The following PRR5 variants were observed in gnomAD, a reference collection of about 807,000 sequenced individuals.
PRR5 encodes the protein proline rich 5, also known as proline-rich protein 5.
A neutral mutation model predicts 30.6 loss-of-function variants in PRR5; 25 were observed. The observed-to-expected ratio is 0.82, with a 90% CI of 0.60 to 1.14. The LOEUF is 1.14. Ranked by LOEUF, PRR5 falls within the 50% of genes most tolerant of loss-of-function variation. The pLI is 0.00. For missense variants in PRR5, 600 were observed against 547.1 expected, an observed-to-expected ratio of 1.10 and a Z score of -0.96; for synonymous variants, 286 against 247.1, an observed-to-expected ratio of 1.16 and a Z score of -1.48.
At chr22:44,696,060 A>G (rs1231022553) in intron 1 of PRR5, among the ~76,000 whole-genome samples, 1 of 149,460 alleles carries the variant, frequency 6.7e-6, no homozygotes, top group Non-Finnish European at 1.5e-5. Flanking sequence ...AGTAGCTGGG[A>G]TTACAGGCAC....
At chr22:44,722,988 CTTT>C (rs3053189) in intron 2 of PRR5, among the ~76,000 whole-genome samples, 36 of 142,580 alleles carry the variant, frequency 2.5e-4, no homozygotes, top group Admixed American at 3.5e-4. Flanking sequence ...AAAAACTTTT[CTTT>C]TTTTTTTTTT....
chr22:44,709,516 G>T (rs2147050685), intron 1 of PRR5, among the ~76,000 whole-genome samples: 1 of 152,240 alleles, frequency 6.6e-6, no homozygotes, highest in African/African-American at 2.4e-5. Context: ...CCTCCAGAAG[G>T]AACGGCCCCA....
intron 1 of PRR5, among the ~76,000 whole-genome samples, chr22:44,693,616 C>CTTTTTTTTTTT (rs1228023916): frequency 1.1e-5 from 1 of 90,566 alleles, no homozygotes; most frequent in Non-Finnish European, 2.1e-5. Flanking sequence ...TTCACATGGA[C>CTTTTTTTTTTT]TTTTTTTTTT....
intron 3 of PRR5, 78 bp downstream of exon 3, chr22:44,725,370 G>C: frequency 6.3e-7 from 1 of 1,588,294 alleles, no homozygotes; most frequent in Non-Finnish European, 8.6e-7. Context: ...CCTGCCCCCG[G>C]GGGTGTGGAG....
rs557809178 is a variant in PRR5 at position 44,735,310 on chromosome 22, T to G, written c.691+148T>G. ...CCGGGCAGCAGCCCCCAGCCTGCCA[T>G]ATGCTGGCCTGGACGTGGGGATCCG... On this transcript the variant is annotated intron_variant, in intron 7 of 7. Coordinates refer to ENST00000336985, the MANE Select transcript of PRR5 (RefSeq NM_181333.4). 19 of 1,238,416 alleles carry G rather than the reference T, an allele frequency of 1.5e-5. No individual in the cohort carries two copies. In the African/African-American group the frequency reaches 2.4e-4, roughly 16 times the overall value. 76.7% of individuals were successfully genotyped at this position (1,238,416 alleles called of 1,614,324 possible). A position where few individuals can be genotyped will look rare whatever the true frequency, so the allele number is the denominator to read the frequency against.
chr22:44,710,598 G>A lies in PRR5; in HGVS notation c.135-3993G>A, dbSNP rs569388212. On this transcript the variant is annotated intron_variant, in intron 1 of 7. Coordinates refer to ENST00000336985, the MANE Select transcript of PRR5 (RefSeq NM_181333.4). ...CACATGAGACCCTCCCACCCTCCTC[G>A]CCCTTCCTGTATCCCTGAGTGGCCC... is the stretch of plus-strand genomic sequence containing the variant. Among the ~76,000 whole-genome samples, 55 of 152,118 alleles carry A rather than the reference G, an allele frequency of 3.6e-4. No homozygotes were observed. In the South Asian group the frequency reaches 3.7e-3, roughly 10 times the overall value.
upstream of PRR5, among the ~76,000 whole-genome samples, chr22:44,673,928 C>G (rs182119292): frequency 4.9e-4 from 74 of 152,224 alleles, no homozygotes; most frequent in Non-Finnish European, 8.1e-4. Context: ...GCTCATAAAG[C>G]CTTGGGGTGG....
At chr22:44,699,198 GC>G (rs1238093888), upstream of PRR5, among the ~76,000 whole-genome samples, 1 of 152,160 alleles carries the variant, frequency 6.6e-6, no homozygotes, top group Non-Finnish European at 1.5e-5. Flanking sequence ...AGCATTCCCA[GC>G]CCCCTGTTTC....
Position 44,714,612 on chromosome 22 carries a change from C to T in PRR5, c.156C>T (p.Ala52=), listed in dbSNP as rs775698483. The T allele has an allele frequency of 2.0e-5, 32 of 1,613,344 alleles. No homozygotes were observed. The Admixed American group carries it at 2.7e-4, about 13-fold the overall frequency. Residue 52 remains alanine, a synonymous_variant, in exon 2 of 8, where the codon GCC becomes GCT. Transcript: ENST00000336985. ...TWNSIHNGVI[A]VFQRKGLPDQ... Reference sequence around the variant, plus strand: ...CCAGCATCCACAACGGGGTGATCGCCGTCTTCCAGCGCAAGGGGCTGCCCG... The same window carrying T: ...CCAGCATCCACAACGGGGTGATCGCTGTCTTCCAGCGCAAGGGGCTGCCCG...
At chr22:44,705,480 C>A (rs759433168) in intron 1 of PRR5, among the ~76,000 whole-genome samples, 3 of 150,860 alleles carry the variant, frequency 2.0e-5, no homozygotes, top group Non-Finnish European at 4.4e-5. Flanking sequence ...CCCACCACCA[C>A]GCCCGGCTAA....
intron 6 of PRR5, among the ~76,000 whole-genome samples, chr22:44,733,259 G>T (rs2147178912): frequency 6.6e-6 from 1 of 152,354 alleles, no homozygotes; most frequent in Admixed American, 6.5e-5. Context: ...ACCACACTTT[G>T]CAGTTGGCCG....
chr22:44,735,080 G>A lies in PRR5; in HGVS notation c.609G>A (p.Leu203=), dbSNP rs1458949917. Residue 203 remains leucine (L), a synonymous_variant, in exon 7 of 8, where the codon CTG becomes CTA. Transcript: ENST00000336985. ...AGGACTACCTGCGCCTGGAGACGCT[G>A]GTCCAGAAGGTGGTGTCGCCATACC... The part of the protein sequence containing the change: ...VTEDYLRLET[L]VQKVVSPYLG... The A allele has an allele frequency of 6.2e-7, 1 of 1,611,920 alleles. No individual in the cohort carries two copies. Among genetic ancestry groups the A allele is most frequent in the Non-Finnish European group, 8.5e-7 (1 of 1,178,898 alleles).
At chr22:44,719,099 T>TC (rs1929542072) in intron 2 of PRR5, among the ~76,000 whole-genome samples, 1 of 151,980 alleles carries the variant, frequency 6.6e-6, no homozygotes, top group African/African-American at 2.4e-5. Context: ...CTTTTTTTTT[T>TC]TTTTTAAGAG....
chr22:44,711,262 C>G (rs115334134), intron 1 of PRR5, among the ~76,000 whole-genome samples: 3 of 152,156 alleles, frequency 2.0e-5, no homozygotes, highest in African/African-American at 4.8e-5. Context: ...ACTTCCTCCC[C>G]CAAAAAGAAG....
At position 44,737,061 on chromosome 22, in the gene PRR5, G is replaced by A; in HGVS notation, c.981G>A (p.Gln327=). 1 of 1,609,094 alleles carries A rather than the reference G, an allele frequency of 6.2e-7. No homozygotes were observed. Among genetic ancestry groups the A allele is most frequent in the Non-Finnish European group, 8.5e-7 (1 of 1,178,632 alleles). Residue 327 remains glutamine (Q), a synonymous_variant, in exon 8 of 8, where the codon CAG becomes CAA. Transcript: ENST00000336985. ...PCPSRLYPTT[Q]PPEQGLDPTR... ...CCAGCAGACTGTACCCCACGACCCA[G>A]CCCCCTGAGCAGGGCTTGGATCCCA...
chr22:44,695,161 ACT>A (rs965312886), intron 1 of PRR5, among the ~76,000 whole-genome samples: 2 of 152,048 alleles, frequency 1.3e-5, no homozygotes, highest in Non-Finnish European at 2.9e-5. Flanking sequence ...ACAGAGCAAG[ACT>A]CTGTCTCAAA....
intron 1 of PRR5, among the ~76,000 whole-genome samples, chr22:44,707,911 G>A (rs1386512457): frequency 6.6e-6 from 1 of 152,130 alleles, no homozygotes; most frequent in Non-Finnish European, 1.5e-5. Flanking sequence ...TTGAAGTGGA[G>A]GCCCAGGCAG....
chr22:44,689,735 A>G (rs1274250556), intron 1 of PRR5, among the ~76,000 whole-genome samples: 2 of 151,914 alleles, frequency 1.3e-5, no homozygotes, highest in African/African-American at 4.8e-5. Context: ...TGCAACCTCC[A>G]CCTCCTGAGT....
chr22:44,674,857 A>C (rs1287713447), upstream of PRR5, among the ~76,000 whole-genome samples: 1 of 152,028 alleles, frequency 6.6e-6, no homozygotes, highest in Non-Finnish European at 1.5e-5. Flanking sequence ...GAGGCAGGAG[A>C]ATTGCTTGAA....
Sources: allele counts gnomAD v4.1 joint callset (sites outside exome capture counted in the v4.1 genomes callset), GRCh38; gene constraint gnomAD v4.1.1; transcripts MANE v1.5; gene names NCBI Gene and HGNC (gene_info 2026-07-23, HGNC 2026-07-21).